CAMTA1: variants seen among roughly 807,000 people sequenced by gnomAD.
CAMTA1 encodes the protein calmodulin binding transcription activator 1, also known as calmodulin-binding transcription activator 1.
A neutral mutation model predicts 170.9 loss-of-function variants in CAMTA1; 27 were observed. The ratio of observed to expected loss-of-function variants is 0.16; its 90% CI spans 0.12 to 0.22. The LOEUF (loss-of-function observed/expected upper bound fraction) is 0.22. Among genes scored for constraint, CAMTA1 ranks in the 10% least tolerant of loss-of-function variants. CAMTA1 has a pLI of 1.00. For missense variants in CAMTA1, 1,619 were observed against 2,217.2 expected (o/e 0.73, Z 5.42); for synonymous variants, 833 against 891.5 (o/e 0.93, Z 1.17).
intron 5 of CAMTA1, among the ~76,000 whole-genome samples, chr1:7,453,703 C>T (rs949691569): frequency 2.6e-5 from 4 of 152,344 alleles, no homozygotes; most frequent in Admixed American, 6.5e-5. Flanking sequence ...CATTGGCCTT[C>T]CCTGCTCTCT....
chr1:7,347,192 C>T (rs2084286037), intron 5 of CAMTA1, among the ~76,000 whole-genome samples: 3 of 152,160 alleles, frequency 2.0e-5, no homozygotes, highest in Non-Finnish European at 2.9e-5. Context: ...CAGAAAGAAT[C>T]GAGGCTTTGG....
chr1:7,202,271 A>C (rs929194718), intron 4 of CAMTA1, among the ~76,000 whole-genome samples: 3 of 152,156 alleles, frequency 2.0e-5, no homozygotes, highest in Admixed American at 6.5e-5. Context: ...CTAGTACCAC[A>C]TTGTCTTGAT....
chr1:7,076,675 C>T (rs922657765), intron 3 of CAMTA1, among the ~76,000 whole-genome samples: 2 of 152,040 alleles, frequency 1.3e-5, no homozygotes, highest in Non-Finnish European at 2.9e-5. Context: ...GGGGCACTGG[C>T]GTGATTGATT....
At chr1:6,796,197 T>TGG (rs1311883787) in intron 1 of CAMTA1, among the ~76,000 whole-genome samples, 2 of 143,762 alleles carry the variant, frequency 1.4e-5, no homozygotes, top group Non-Finnish European at 3.0e-5. Flanking sequence ...TGGAGTGCAG[T>TGG]GGCATGATCT....
intron 6 of CAMTA1, among the ~76,000 whole-genome samples, chr1:7,531,904 C>T (rs1006950632): frequency 1.3e-5 from 2 of 152,198 alleles, no homozygotes; most frequent in African/African-American, 4.8e-5. Context: ...GCCACAGAAC[C>T]TTTGGGCTGA....
intron 3 of CAMTA1, among the ~76,000 whole-genome samples, chr1:6,840,982 G>A (rs1655441486): frequency 1.3e-5 from 2 of 152,204 alleles, no homozygotes; most frequent in African/African-American, 4.8e-5. Flanking sequence ...GTCTCACTGG[G>A]TTGCCATCAG....
intron 4 of CAMTA1, among the ~76,000 whole-genome samples, chr1:7,243,833 A>G (rs1291395073): frequency 6.6e-6 from 1 of 152,200 alleles, no homozygotes; most frequent in Non-Finnish European, 1.5e-5. Context: ...GGAATGGGCA[A>G]GGACTTCATG....
chr1:7,364,163 T>C (rs2085782256), intron 5 of CAMTA1, among the ~76,000 whole-genome samples: 1 of 152,206 alleles, frequency 6.6e-6, no homozygotes. Context: ...TAAACAATGC[T>C]TATCGAGTGC....
At chr1:6,894,575 G>A (rs569033839) in intron 3 of CAMTA1, among the ~76,000 whole-genome samples, 3 of 152,186 alleles carry the variant, frequency 2.0e-5, no homozygotes, top group Admixed American at 6.5e-5. Context: ...TGAAGCTGCC[G>A]CTGTGCTGAT....
rs562361356 is a variant in CAMTA1 at position 7,101,694 on chromosome 1, C to T, written c.302+10323C>T. ...CAGCACACATGTAGACACATATGTG[C>T]GTGCTGTGGCACATAGAACCATACA... On this transcript the variant is annotated intron_variant, in intron 4 of 22. Coordinates refer to ENST00000303635, the MANE Select transcript of CAMTA1 (RefSeq NM_015215.4). Among the ~76,000 whole-genome samples the T allele has an allele frequency of 2.1e-4, 32 of 152,310 alleles. No individual in the cohort carries two copies. In the South Asian group the frequency reaches 2.3e-3, roughly 11 times the overall value.
chr1:6,989,378 A>G (rs1172105061), intron 3 of CAMTA1, among the ~76,000 whole-genome samples: 2 of 152,360 alleles, frequency 1.3e-5, no homozygotes, highest in African/African-American at 2.4e-5. Context: ...GCGCTCTGCC[A>G]GAGAGAGCCG....
chr1:7,131,944 A>C (rs1040246763), intron 4 of CAMTA1, among the ~76,000 whole-genome samples: 1 of 151,918 alleles, frequency 6.6e-6, no homozygotes, highest in Non-Finnish European at 1.5e-5. Flanking sequence ...AGTCCCAGCT[A>C]CTCAGGAGAC....
At chr1:7,127,131 C>T (rs769767834) in intron 4 of CAMTA1, among the ~76,000 whole-genome samples, 17 of 151,972 alleles carry the variant, frequency 1.1e-4, no homozygotes, top group Non-Finnish European at 2.1e-4. Context: ...GGGCTGAGCC[C>T]GCAGACGTGG....
At chr1:7,280,392 C>G (rs990720427) in intron 5 of CAMTA1, among the ~76,000 whole-genome samples, 5 of 152,232 alleles carry the variant, frequency 3.3e-5, no homozygotes, top group Non-Finnish European at 1.5e-5. Flanking sequence ...CCTCCTGTCC[C>G]AAGTATGACA....
rs1250832670 is a variant in CAMTA1, at chr1:7,010,977, C to T, written c.235-80327C>T. ...GCTGGTGAGGGTGGCTGCCGCTGTC[C>T]AGCCCTGATCTCTGGGGCAAATGAA... On this transcript the variant is annotated intron_variant, in intron 3 of 22. Coordinates refer to ENST00000303635, the MANE Select transcript of CAMTA1 (RefSeq NM_015215.4). The surrounding 1 kb of genome is among the most constrained non-coding windows in gnomAD (Gnocchi z 4.4). Among the ~76,000 whole-genome samples, 1 of 152,182 alleles carries T rather than the reference C, an allele frequency of 6.6e-6. No homozygotes were observed. The highest frequency in any genetic ancestry group is 1.5e-5 in the Non-Finnish European group (1 of 68,028).
At chr1:6,855,464 AAG>A (rs369751152) in intron 3 of CAMTA1, among the ~76,000 whole-genome samples, 10 of 150,138 alleles carry the variant, frequency 6.7e-5, no homozygotes, top group Non-Finnish European at 1.2e-4. Flanking sequence ...GAGCAGGAGC[AAG>A]AGAGAGAGAG....
chr1:6,853,214 G>A (rs1557699308), intron 3 of CAMTA1: 2 of 152,162 alleles, frequency 1.3e-5, no homozygotes, highest in Non-Finnish European at 2.9e-5. Context: ...ACACTGTTGG[G>A]TAAAATAATT....
chr1:7,069,449 G>GCAGGGGGC, intron 3 of CAMTA1, among the ~76,000 whole-genome samples: 1 of 152,308 alleles, frequency 6.6e-6, no homozygotes, highest in African/African-American at 2.4e-5. Context: ...AAAATGGGAT[G>GCAGGGGGC]CAGGGGGCCT....
intron 3 of CAMTA1, among the ~76,000 whole-genome samples, chr1:6,975,653 T>A (rs1693290835): frequency 6.6e-6 from 1 of 152,146 alleles, no homozygotes. Flanking sequence ...GAGACAGAAT[T>A]GTAGGCTTTA....
Sources: gnomAD v4.1 joint callset for allele counts (sites outside exome capture counted in the v4.1 genomes callset) on GRCh38, gnomAD v4.1.1 for gene constraint, Gnocchi (gnomAD v3.1) non-coding constraint, MANE v1.5 for transcripts, NCBI Gene and HGNC (gene_info 2026-07-23, HGNC 2026-07-21) for gene names.